Variants in PLD5 observed in about 807,000 individuals in gnomAD.
PLD5 encodes inactive phospholipase D5.
PLD5 carries 36 observed loss-of-function variants against 61.1 expected under a neutral mutation model. That is an observed-to-expected ratio of 0.59 (90% CI 0.45 to 0.78). PLD5 has a LOEUF of 0.78. Ranked by LOEUF, PLD5 falls within the 30% of genes least tolerant of loss-of-function variation. The pLI, the probability that PLD5 is intolerant of heterozygous loss-of-function variation, is 0.00. For missense variants in PLD5, 515 were observed against 644.4 expected (o/e 0.80, Z 2.17); for synonymous variants, 243 against 242.8 (o/e 1.00, Z -0.01).
chr1:242,493,587 G>T (rs1166543679), intron 1 of PLD5, among the ~76,000 whole-genome samples: 2 of 152,156 alleles, frequency 1.3e-5, no homozygotes, highest in African/African-American at 2.4e-5. Context: ...TCCAAAGCTG[G>T]AGGCTGCCAC....
chr1:242,330,365 T>C (rs1002151240), intron 2 of PLD5, among the ~76,000 whole-genome samples: 39 of 152,218 alleles, frequency 2.6e-4, no homozygotes, highest in African/African-American at 8.7e-4. Context: ...TGTGACAACA[T>C]TGAGCCTTTT....
intron 1 of PLD5, among the ~76,000 whole-genome samples, chr1:242,461,664 C>T (rs1667122031): frequency 6.6e-6 from 1 of 152,130 alleles, no homozygotes. Context: ...GAGAAATCGC[C>T]AGGCTGCTTC....
intron 4 of PLD5, among the ~76,000 whole-genome samples, chr1:242,226,972 A>G (rs1457928715): frequency 6.6e-6 from 1 of 152,250 alleles, no homozygotes; most frequent in Non-Finnish European, 1.5e-5. Context: ...GTATAATGCC[A>G]TGATGAATTG....
intron 2 of PLD5, among the ~76,000 whole-genome samples, chr1:242,302,702 G>A (rs764947599): frequency 6.6e-6 from 1 of 152,204 alleles, no homozygotes; most frequent in Non-Finnish European, 1.5e-5. Context: ...CTGGGCAACA[G>A]AGCAAGACTC....
chr1:242,412,468 T>A (rs1270057576), intron 1 of PLD5, among the ~76,000 whole-genome samples: 1 of 152,246 alleles, frequency 6.6e-6, no homozygotes, highest in East Asian at 1.9e-4. Flanking sequence ...GTGTGTTTAT[T>A]ATAATTTTAT....
chr1:242,256,571 G>A lies in PLD5; in HGVS notation c.607+8766C>T, dbSNP rs1056405123. 6.6e-6 allele frequency among the ~76,000 whole-genome samples: 1 copy of A among 152,136 alleles called. No individual in the cohort carries two copies. Among genetic ancestry groups the A allele is most frequent in the Non-Finnish European group, 1.5e-5 (1 of 68,032 alleles). On this transcript the variant is annotated intron_variant, in intron 4 of 9. Coordinates refer to ENST00000536534, the MANE Select transcript of PLD5 (RefSeq NM_001372062.1). This position sits in a 1 kb window ranked among gnomAD's most constrained non-coding sequence, Gnocchi z 5.7. ...AGGACACAGCGTTTGTTCCCTCTGG[G>A]GGATGCAGTAACAAGGCGCCATCTT... is the stretch of plus-strand genomic sequence containing the variant.
At chr1:242,119,164 C>T (rs1662177822) in intron 6 of PLD5, among the ~76,000 whole-genome samples, 1 of 152,102 alleles carries the variant, frequency 6.6e-6, no homozygotes, top group African/African-American at 2.4e-5. Flanking sequence ...TCAGTAGGCA[C>T]CATATGAATG....
rs78678407 is a variant in PLD5, at chr1:242,401,420, C to T, written c.190-53178G>A. On this transcript the variant is annotated intron_variant, in intron 1 of 9. Coordinates refer to ENST00000536534, the MANE Select transcript of PLD5 (RefSeq NM_001372062.1). ...ACAAGAAACAGGATCATGTGGACCCCTCCCCTTCCTTCACAGACTTCCCAT... is the reference window on the plus strand; with the variant it reads ...ACAAGAAACAGGATCATGTGGACCCTTCCCCTTCCTTCACAGACTTCCCAT... 9.4e-3 allele frequency among the ~76,000 whole-genome samples: 1,429 copies of T among 152,226 alleles called. 32 individuals carry two copies. Among genetic ancestry groups the T allele is most frequent in the East Asian group, 0.044 (227 of 5,164 alleles).
At chr1:242,243,429 G>A (rs1672179450) in intron 4 of PLD5, among the ~76,000 whole-genome samples, 1 of 152,194 alleles carries the variant, frequency 6.6e-6, no homozygotes, top group Admixed American at 6.5e-5. Context: ...GCTTAGAACT[G>A]AACCAGAGGG....
chr1:242,295,047 G>C (rs1181522893), intron 2 of PLD5, among the ~76,000 whole-genome samples: 3 of 152,126 alleles, frequency 2.0e-5, no homozygotes, highest in African/African-American at 7.2e-5. Flanking sequence ...TTAATGAAGG[G>C]GAACAGATGA....
chr1:242,332,293 G>A (rs781127761), intron 2 of PLD5, among the ~76,000 whole-genome samples: 5 of 152,124 alleles, frequency 3.3e-5, no homozygotes, highest in Non-Finnish European at 5.9e-5. Flanking sequence ...TCACTGATGG[G>A]CATGTGGGTT....
intron 5 of PLD5, among the ~76,000 whole-genome samples, chr1:242,161,001 G>A (rs1029361778): frequency 1.7e-4 from 22 of 128,180 alleles, no homozygotes; most frequent in Middle Eastern, 3.8e-3. Flanking sequence ...GCAGCATATG[G>A]GGACTTATAT....
chr1:242,137,931 T>C (rs1473154631), intron 5 of PLD5, among the ~76,000 whole-genome samples: 3 of 152,228 alleles, frequency 2.0e-5, no homozygotes, highest in South Asian at 2.1e-4. Flanking sequence ...TTCAGTTCTT[T>C]CCACATGCTT....
At position 242,514,215 on chromosome 1, in the gene PLD5, T is replaced by G. The variant is rs1430083321; in HGVS notation, c.189+9873A>C. On this transcript the variant is annotated intron_variant, in intron 1 of 9. Coordinates refer to ENST00000536534, the MANE Select transcript of PLD5 (RefSeq NM_001372062.1). ...GTTTTTACACCCAATTCTTCCTAAA[T>G]AAACTCTGTCCCCAGATATACTTGT... Among the ~76,000 whole-genome samples the G allele has an allele frequency of 2.6e-5, 4 of 152,210 alleles. No individual in the cohort carries two copies. The South Asian group carries it at 6.2e-4, about 24-fold the overall frequency.
Position 242,524,224 on chromosome 1 carries a change from T to G in PLD5, c.53A>C (p.Glu18Ala). The change falls in exon 1 of 10, where the codon GAG (glutamate) becomes GCG (alanine). Residue 18 changes from glutamate (E) to alanine (A), a missense_variant. Transcript: ENST00000536534. ...GGGGCGGCTTTTGAGCCTCATCTGC[T>G]CGAAGCCCTCATGGGGGGAGGCCGA... ...WLSASPHEGF[E>A]QMRLKSRPKE... 6.5e-7 allele frequency: 1 copy of G among 1,529,286 alleles called. No homozygotes were observed. The highest frequency in any genetic ancestry group is 8.7e-7 in the Non-Finnish European group (1 of 1,143,754). The allele number at this position is 1,529,286 out of a possible 1,614,324, so 94.7% of individuals were successfully genotyped here.
rs565125942 is a variant in PLD5 at position 242,131,989 on chromosome 1, GC to G, written c.736-7325del. On this transcript the variant is annotated intron_variant, in intron 5 of 9. Transcript: ENST00000536534. ...AGCTGGTACAGGAGCACGCCACTAT[GC>G]CTGGCTAATTTTTTATTTTTAGTAG... is the stretch of plus-strand genomic sequence containing the variant. Among the ~76,000 whole-genome samples, 258 of 151,544 alleles carry G rather than the reference GC, an allele frequency of 1.7e-3. 1 individual carries two copies. The highest frequency in any genetic ancestry group is 0.013 in the Admixed American group (203 of 15,204).
At chr1:242,253,920 C>T (rs1430742397) in intron 4 of PLD5, among the ~76,000 whole-genome samples, 3 of 152,192 alleles carry the variant, frequency 2.0e-5, no homozygotes, top group Non-Finnish European at 2.9e-5. Flanking sequence ...GAATTGCAGA[C>T]TTAACTTGGG....
chr1:242,470,985 A>C (rs1052237246), intron 1 of PLD5, among the ~76,000 whole-genome samples: 1 of 152,222 alleles, frequency 6.6e-6, no homozygotes, highest in Non-Finnish European at 1.5e-5. Flanking sequence ...CTGGCACGAA[A>C]AACACTGTAG....
chr1:242,204,470 C>G (rs12031113), intron 5 of PLD5, among the ~76,000 whole-genome samples: 14,057 of 152,164 alleles, frequency 0.092, 1,208 homozygotes, highest in East Asian at 0.33. Context: ...TGCTGTACTG[C>G]TGACCAGGTC....
Sources: gnomAD v4.1 joint callset for allele counts (sites outside exome capture counted in the v4.1 genomes callset) on GRCh38, gnomAD v4.1.1 for gene constraint, Gnocchi (gnomAD v3.1) non-coding constraint, MANE v1.5 for transcripts, NCBI Gene and HGNC (gene_info 2026-07-23, HGNC 2026-07-21) for gene names.